The following SP4 variants were observed in gnomAD, a reference collection of about 807,000 sequenced individuals.
The protein encoded by SP4 is transcription factor Sp4.
In SP4, 19 loss-of-function variants were observed where a neutral mutation model predicts 72.8. The ratio of observed to expected loss-of-function variants is 0.26; its 90% CI spans 0.18 to 0.38. The LOEUF (loss-of-function observed/expected upper bound fraction) is 0.38. Among genes scored for constraint, SP4 ranks in the 10% least tolerant of loss-of-function variants. SP4 has a pLI of 1.00. For synonymous variants in SP4, 395 were observed against 333.1 expected, an observed-to-expected ratio of 1.19 and a Z score of -2.02; for missense variants, 1,008 against 926.3, an observed-to-expected ratio of 1.09 and a Z score of -1.14.
At chr7:21,432,886 T>TGG (rs943426427) in intron 3 of SP4, among the ~76,000 whole-genome samples, 2 of 152,136 alleles carry the variant, frequency 1.3e-5, no homozygotes, top group African/African-American at 4.8e-5. Flanking sequence ...CTCAGCGTCT[T>TGG]GGGAGGCTGA....
chr7:21,507,832 C>T (rs890717082), intron 5 of SP4, among the ~76,000 whole-genome samples: 2 of 152,062 alleles, frequency 1.3e-5, no homozygotes, highest in African/African-American at 4.8e-5. Flanking sequence ...GTTTCTTGCA[C>T]ACCCATGGAA....
chr7:21,449,414 G>A (rs914427649), intron 3 of SP4, among the ~76,000 whole-genome samples: 1 of 152,018 alleles, frequency 6.6e-6, no homozygotes, highest in Non-Finnish European at 1.5e-5. Flanking sequence ...TTGGGCTACT[G>A]ATTTTTTTTC....
intron 5 of SP4, among the ~76,000 whole-genome samples, chr7:21,510,016 C>G (rs772307679): frequency 6.6e-6 from 1 of 152,106 alleles, no homozygotes; most frequent in Non-Finnish European, 1.5e-5. Context: ...AAGCAGAAAT[C>G]CCTGATAAAA....
At chr7:21,490,383 G>T (rs1048105199) in intron 5 of SP4, among the ~76,000 whole-genome samples, 1 of 152,162 alleles carries the variant, frequency 6.6e-6, no homozygotes, top group Non-Finnish European at 1.5e-5. Flanking sequence ...TGAAATAGTA[G>T]CAGCTTAGGC....
At chr7:21,443,761 A>T (rs1783335518) in intron 3 of SP4, among the ~76,000 whole-genome samples, 1 of 152,186 alleles carries the variant, frequency 6.6e-6, no homozygotes, top group South Asian at 2.1e-4. Context: ...AGAGGAAGAG[A>T]CTAGGTGAAT....
At chr7:21,439,396 T>C (rs1046844223) in intron 3 of SP4, among the ~76,000 whole-genome samples, 5 of 152,174 alleles carry the variant, frequency 3.3e-5, no homozygotes, top group East Asian at 1.9e-4. Flanking sequence ...TACATCGATA[T>C]GTTGTATAGT....
chr7:21,470,731 G>T (rs1051768817), intron 3 of SP4, among the ~76,000 whole-genome samples: 2 of 137,220 alleles, frequency 1.5e-5, no homozygotes, highest in African/African-American at 5.6e-5. Context: ...CATTACCTTG[G>T]CCCAGTTTCT....
chr7:21,501,821 A>G (rs1188382766), intron 5 of SP4, among the ~76,000 whole-genome samples: 3 of 152,192 alleles, frequency 2.0e-5, no homozygotes, highest in Admixed American at 1.3e-4. Flanking sequence ...TTTTTCTGCT[A>G]GTATCATGTC....
In SP4 at chr7:21,430,853, G is replaced by A; in HGVS notation, c.1678+10G>A. On this transcript the variant is annotated intron_variant, in intron 3 of 5. Coordinates refer to ENST00000222584, the MANE Select transcript of SP4 (RefSeq NM_003112.5). Reference sequence around the variant, plus strand: ...ATCACTAGTGTTGCAGGTAAGTTCTGACATCTTTTTAAGTACCTTTTAAAT... The same window carrying A: ...ATCACTAGTGTTGCAGGTAAGTTCTAACATCTTTTTAAGTACCTTTTAAAT... The A allele has an allele frequency of 1.3e-6, 2 of 1,573,868 alleles. No homozygotes were observed. The highest frequency in any genetic ancestry group is 1.1e-5 in the South Asian group (1 of 87,642).
rs538884178 is a variant in SP4 at position 21,486,418 on chromosome 7, G to A, written c.2107+4295G>A. 2.0e-5 allele frequency among the ~76,000 whole-genome samples: 3 copies of A among 152,144 alleles called. No homozygotes were observed. In the East Asian group the frequency reaches 5.8e-4, roughly 29 times the overall value. ...TATACCTTTTCTTTTCCAGGATTCA[G>A]TCTGGAATAACACACTGCATTTGTT... On this transcript the variant is annotated intron_variant, in intron 5 of 5. Transcript: ENST00000222584.
rs748598462 is a variant in SP4 at position 21,477,100 on chromosome 7, G to C, written c.1700G>C (p.Gly567Ala). The change falls in exon 4 of 6, where the codon GGA becomes GCA. Residue 567 changes from glycine to alanine, a missense_variant. Around this residue, in one of 3 missense-constraint regions of SP4, gnomAD observed 893 missense variants for 743.3 expected, o/e 1.20. Transcript: ENST00000222584. ...TTAGGTCAGCAGCAAGGACAAGATGGAGTAAAAGTCCAGCAAGCTACTATA... is the reference window on the plus strand; with the variant it reads ...TTAGGTCAGCAGCAAGGACAAGATGCAGTAAAAGTCCAGCAAGCTACTATA... ...SVAGQQQGQD[G>A]VKVQQATIAP... 3 of 1,613,734 alleles carry C rather than the reference G, an allele frequency of 1.9e-6. No homozygotes were observed. Among genetic ancestry groups the C allele is most frequent in the East Asian group, 2.2e-5 (1 of 44,868 alleles).
At chr7:21,476,357 G>T (rs1163552261) in intron 3 of SP4, among the ~76,000 whole-genome samples, 1 of 145,600 alleles carries the variant, frequency 6.9e-6, no homozygotes, top group East Asian at 2.0e-4. Flanking sequence ...TTGTTTTATT[G>T]TGCATTATTT....
intron 3 of SP4, among the ~76,000 whole-genome samples, chr7:21,439,448 G>A (rs1029227766): frequency 1.1e-4 from 17 of 151,858 alleles, no homozygotes; most frequent in African/African-American, 4.1e-4. Flanking sequence ...CTGCAGGAAT[G>A]TACACTGTAC....
intron 5 of SP4, among the ~76,000 whole-genome samples, chr7:21,490,582 C>G (rs1035578081): frequency 6.6e-6 from 1 of 152,118 alleles, no homozygotes; most frequent in Admixed American, 6.5e-5. Flanking sequence ...CTTTTCTAGC[C>G]GGAGGAACTA....
At chr7:21,438,591 CT>C (rs1257994502) in intron 3 of SP4, among the ~76,000 whole-genome samples, 1 of 152,034 alleles carries the variant, frequency 6.6e-6, no homozygotes, top group East Asian at 1.9e-4. Context: ...AGTTCTGACA[CT>C]GAATTTGTAG....
chr7:21,453,478 A>T (rs1194720221), intron 3 of SP4, among the ~76,000 whole-genome samples: 1 of 152,240 alleles, frequency 6.6e-6, no homozygotes. Context: ...TAACAATTAT[A>T]ATTATTACTG....
At chr7:21,456,629 G>A (rs181943372) in intron 3 of SP4, among the ~76,000 whole-genome samples, 1 of 152,324 alleles carries the variant, frequency 6.6e-6, no homozygotes, top group Admixed American at 6.5e-5. Context: ...CAGTCTGGCG[G>A]GTGTGCAAGG....
intron 5 of SP4, among the ~76,000 whole-genome samples, chr7:21,508,449 C>G (rs1183589955): frequency 6.6e-6 from 1 of 152,172 alleles, no homozygotes; most frequent in Non-Finnish European, 1.5e-5. Flanking sequence ...GCCTCAGCCT[C>G]CCAAGTAGCT....
rs1330513448 is a variant in SP4, at chr7:21,428,578, T to A, written c.8-99T>A. On this transcript the variant is annotated intron_variant, in intron 1 of 5. Coordinates refer to ENST00000222584, the MANE Select transcript of SP4 (RefSeq NM_003112.5). ...TGGATCGCGGGTTTATGGAGATTAA[T>A]GTTCGGGGGGAGGGGGGAGAAGAGG... 5 of 1,119,128 alleles carry A rather than the reference T, an allele frequency of 4.5e-6. No individual in the cohort carries two copies. In the East Asian group the frequency reaches 1.3e-4, roughly 29 times the overall value. 69.3% of individuals were successfully genotyped at this position (1,119,128 alleles called of 1,614,324 possible).
Sources: gnomAD v4.1 joint callset for allele counts (sites outside exome capture counted in the v4.1 genomes callset) on GRCh38, gnomAD v4.1.1 for gene constraint, gnomAD v4.1.1 regional missense constraint, MANE v1.5 for transcripts, NCBI Gene and HGNC (gene_info 2026-07-23, HGNC 2026-07-21) for gene names.